The following NCAM1 variants were observed in gnomAD, a reference collection of about 807,000 sequenced individuals.
NCAM1 encodes neural cell adhesion molecule 1.
In NCAM1, 14 loss-of-function variants were observed where a neutral mutation model predicts 109.8. The observed-to-expected ratio is 0.13, with a 90% CI of 0.08 to 0.20. NCAM1 has a LOEUF of 0.20. NCAM1 is among the 10% of genes least tolerant of loss of function. The pLI, the probability that NCAM1 is intolerant of heterozygous loss-of-function variation, is 1.00. For synonymous variants in NCAM1, 418 were observed against 442.9 expected (o/e 0.94, Z 0.70); for missense variants, 774 against 1,109.9 (o/e 0.70, Z 4.30).
At chr11:113,011,030 T>C in intron 1 of NCAM1, among the ~76,000 whole-genome samples, 1 of 151,140 alleles carries the variant, frequency 6.6e-6, no homozygotes. Context: ...GTTACATATG[T>C]ATACATGTGC....
At chr11:113,245,429 G>A (rs880000625) in intron 14 of NCAM1, among the ~76,000 whole-genome samples, 23 of 152,190 alleles carry the variant, frequency 1.5e-4, no homozygotes, top group South Asian at 4.1e-4. Flanking sequence ...GTGATGAAAC[G>A]AGACCGTTTC....
At chr11:113,204,139 C>A in intron 2 of NCAM1, 147 bp from the exon 3 acceptor site, 1 of 646,888 alleles carries the variant, frequency 1.5e-6, no homozygotes, top group Non-Finnish European at 2.7e-6. Flanking sequence ...GCATGTCATT[C>A]CAGCAGCCAT....
At chr11:113,044,643 T>C (rs56360439) in intron 1 of NCAM1, among the ~76,000 whole-genome samples, 42,151 of 151,626 alleles carry the variant, frequency 0.28, 6,589 homozygotes, top group East Asian at 0.62. Context: ...CACGATCGCG[T>C]CACTGCACTC....
intron 1 of NCAM1, among the ~76,000 whole-genome samples, chr11:113,104,105 G>A (rs1184198993): frequency 1.3e-5 from 2 of 150,640 alleles, no homozygotes; most frequent in Non-Finnish European, 2.9e-5. Context: ...TCCCAGTACT[G>A]CCTCCAGGAT....
chr11:113,153,462 G>A (rs1283271253), intron 1 of NCAM1, among the ~76,000 whole-genome samples: 2 of 149,602 alleles, frequency 1.3e-5, no homozygotes, highest in Admixed American at 6.8e-5. Flanking sequence ...GTGAGAGAGA[G>A]AGAGAGAGAG....
intron 9 of NCAM1, among the ~76,000 whole-genome samples, chr11:113,229,470 T>C (rs1424187784): frequency 6.6e-6 from 1 of 152,136 alleles, no homozygotes; most frequent in Non-Finnish European, 1.5e-5. Context: ...TAGGAACACT[T>C]TTACACTGTT....
intron 1 of NCAM1, among the ~76,000 whole-genome samples, chr11:113,072,014 G>T (rs1555085355): frequency 6.6e-6 from 1 of 152,084 alleles, no homozygotes; most frequent in Non-Finnish European, 1.5e-5. Flanking sequence ...GTATGGTGGT[G>T]CATGCCTGTA....
At chr11:113,079,123 C>T (rs577174726) in intron 1 of NCAM1, among the ~76,000 whole-genome samples, 3 of 152,230 alleles carry the variant, frequency 2.0e-5, no homozygotes, top group South Asian at 2.1e-4. Context: ...CAGCCACCTT[C>T]GAGTTTACAT....
At chr11:113,028,127 T>A (rs1952609398) in intron 1 of NCAM1, among the ~76,000 whole-genome samples, 1 of 152,106 alleles carries the variant, frequency 6.6e-6, no homozygotes, top group Non-Finnish European at 1.5e-5. Flanking sequence ...CATAGTAGGG[T>A]GACTATAGCT....
chr11:113,229,145 C>T (rs1254757262), intron 9 of NCAM1, among the ~76,000 whole-genome samples: 1 of 152,144 alleles, frequency 6.6e-6, no homozygotes, highest in Admixed American at 6.5e-5. Context: ...AGTGAACAGG[C>T]AACCTACAGA....
At chr11:113,128,044 T>C (rs1417654815) in intron 1 of NCAM1, among the ~76,000 whole-genome samples, 3 of 152,222 alleles carry the variant, frequency 2.0e-5, no homozygotes, top group African/African-American at 7.2e-5. Flanking sequence ...GTGTGGTCCC[T>C]CTGTCTATAG....
intron 15 of NCAM1, among the ~76,000 whole-genome samples, chr11:113,252,597 A>G (rs1555121576): frequency 6.6e-6 from 1 of 152,016 alleles, no homozygotes; most frequent in East Asian, 1.9e-4. Context: ...TCTGTTGAAT[A>G]AATCGTAGGT....
At chr11:113,019,807 A>G (rs1183209214) in intron 1 of NCAM1, among the ~76,000 whole-genome samples, 1 of 152,148 alleles carries the variant, frequency 6.6e-6, no homozygotes, top group Non-Finnish European at 1.5e-5. Context: ...CCCTCCCTGA[A>G]CCAAATATAC....
Position 113,127,553 on chromosome 11 carries a change from A to G in NCAM1, c.53-74826A>G, listed in dbSNP as rs531534517. On this transcript the variant is annotated intron_variant, in intron 1 of 19. Coordinates refer to ENST00000316851, the MANE Select transcript of NCAM1 (RefSeq NM_181351.5). ...TTAAGGCAGGAACTATCTTTTAGGG[A>G]TAGTATTTTTAAACCCCCATTGCTT... Among the ~76,000 whole-genome samples, 457 of 152,348 alleles carry G rather than the reference A, an allele frequency of 3.0e-3. 2 individuals are homozygous for G. Among genetic ancestry groups the G allele is most frequent in the African/African-American group, 0.011 (438 of 41,584 alleles).
At chr11:113,182,030 T>C (rs1943349983) in intron 1 of NCAM1, among the ~76,000 whole-genome samples, 1 of 152,324 alleles carries the variant, frequency 6.6e-6, no homozygotes, top group Middle Eastern at 3.4e-3. Context: ...AGTGATTTTT[T>C]TCTCTAGCTC....
intron 7 of NCAM1, among the ~76,000 whole-genome samples, chr11:113,209,468 T>G (rs1555113376): frequency 6.6e-6 from 1 of 152,202 alleles, no homozygotes; most frequent in Non-Finnish European, 1.5e-5. Flanking sequence ...TTTTAGTAAG[T>G]TTTTCCATAT....
intron 1 of NCAM1, among the ~76,000 whole-genome samples, chr11:113,185,649 C>T (rs1365666363): frequency 2.6e-5 from 4 of 152,182 alleles, no homozygotes; most frequent in East Asian, 1.9e-4. Context: ...CACTGCTTAA[C>T]GTAATACATG....
intron 14 of NCAM1, among the ~76,000 whole-genome samples, chr11:113,239,695 T>C (rs985017233): frequency 5.9e-5 from 9 of 152,102 alleles, no homozygotes; most frequent in African/African-American, 2.2e-4. Context: ...ATTGCAAGTA[T>C]AACTATGCAA....
chr11:113,145,492 C>T (rs559402185), intron 1 of NCAM1, among the ~76,000 whole-genome samples: 35 of 152,138 alleles, frequency 2.3e-4, no homozygotes, highest in Non-Finnish European at 4.0e-4. Context: ...CTTTAAAATA[C>T]TCTTATCCAT....
Sources: allele counts gnomAD v4.1 joint callset (sites outside exome capture counted in the v4.1 genomes callset), GRCh38; gene constraint gnomAD v4.1.1; transcripts MANE v1.5; gene names NCBI Gene and HGNC (gene_info 2026-07-23, HGNC 2026-07-21).